The following LIMA1 variants were observed in gnomAD, a reference collection of about 807,000 sequenced individuals.
The protein encoded by LIMA1 is LIM domain and actin binding 1, also known as LIM domain and actin-binding protein 1.
In LIMA1, 52 loss-of-function variants were observed where a neutral mutation model predicts 62.6. That is an observed-to-expected ratio of 0.83 (90% CI 0.67 to 1.05). The LOEUF (loss-of-function observed/expected upper bound fraction) is 1.05. LIMA1 is among the 50% of genes least tolerant of loss of function. The pLI is 0.00. For synonymous variants in LIMA1, 302 were observed against 317.8 expected, an observed-to-expected ratio of 0.95 and a Z score of 0.53; for missense variants, 780 against 902.2, an observed-to-expected ratio of 0.86 and a Z score of 1.74.
intron 2 of LIMA1, among the ~76,000 whole-genome samples, chr12:50,238,539 C>CA (rs199612267): frequency 0.012 from 1,751 of 149,858 alleles, 42 homozygotes; most frequent in African/African-American, 0.041. Context: ...CAAAAAAAGA[C>CA]AAAAAAAACT....
intron 4 of LIMA1, chr12:50,217,707 G>C (rs965050469): frequency 2.1e-5 from 6 of 279,144 alleles, no homozygotes; most frequent in South Asian, 3.9e-5. Context: ...GGTCTACAGT[G>C]GGGGGAAGGT....
intron 3 of LIMA1, among the ~76,000 whole-genome samples, chr12:50,226,974 G>A (rs1209925972): frequency 6.7e-6 from 1 of 149,770 alleles, no homozygotes; most frequent in Non-Finnish European, 1.5e-5. Context: ...GGTCCCTCAG[G>A]GTTTTTGTCT....
At chr12:50,193,641 T>C (rs1399643797) in intron 8 of LIMA1, among the ~76,000 whole-genome samples, 1 of 85,836 alleles carries the variant, frequency 1.2e-5, no homozygotes, top group East Asian at 3.2e-4. Flanking sequence ...CGTGTGTGTG[T>C]GTGTGTGTGT....
At chr12:50,183,751 C>T (rs529365802) in intron 9 of LIMA1, among the ~76,000 whole-genome samples, 3 of 127,958 alleles carry the variant, frequency 2.3e-5, no homozygotes, top group Admixed American at 2.0e-4. Context: ...GCAGAGGTTG[C>T]AGTGAGCCGA....
chr12:50,214,024 C>CCACACACACACA (rs10632810), intron 4 of LIMA1, among the ~76,000 whole-genome samples: 1,444 of 104,580 alleles, frequency 0.014, 33 homozygotes, highest in African/African-American at 0.04. Context: ...TATTATCTTA[C>CCACACACACACA]CACACACACA....
chr12:50,238,510 A>AAAAAC (rs936855472), intron 2 of LIMA1, among the ~76,000 whole-genome samples: 3 of 151,800 alleles, frequency 2.0e-5, no homozygotes, highest in Non-Finnish European at 2.9e-5. Flanking sequence ...CTGTCTCAAA[A>AAAAAC]AAAACAAAAC....
At chr12:50,215,419 T>G (rs1941326300) in intron 4 of LIMA1, among the ~76,000 whole-genome samples, 1 of 152,170 alleles carries the variant, frequency 6.6e-6, no homozygotes, top group Non-Finnish European at 1.5e-5. Context: ...ACTTCCTTTG[T>G]TATTTTATAT....
At chr12:50,212,219 T>A (rs1157510498) in intron 4 of LIMA1, among the ~76,000 whole-genome samples, 1 of 152,156 alleles carries the variant, frequency 6.6e-6, no homozygotes, top group Non-Finnish European at 1.5e-5. Flanking sequence ...TCAGAAAAAA[T>A]TATCTTTAAA....
intron 2 of LIMA1, among the ~76,000 whole-genome samples, chr12:50,240,723 C>T (rs1430707577): frequency 6.6e-6 from 1 of 151,990 alleles, no homozygotes; most frequent in Non-Finnish European, 1.5e-5. Flanking sequence ...TGCATGTGTC[C>T]GGAGCTCAGA....
At chr12:50,203,497 T>A (rs981952630) in intron 6 of LIMA1, among the ~76,000 whole-genome samples, 5 of 151,828 alleles carry the variant, frequency 3.3e-5, no homozygotes, top group East Asian at 3.9e-4. Flanking sequence ...CACTGCAACC[T>A]CTGCCTCCTG....
intron 2 of LIMA1, among the ~76,000 whole-genome samples, chr12:50,233,618 G>A (rs762217270): frequency 4.6e-5 from 7 of 152,144 alleles, no homozygotes; most frequent in African/African-American, 1.2e-4. Flanking sequence ...TCCGCCTCCC[G>A]GGTTCAAGCA....
At chr12:50,264,592 C>G (rs1405484846) in intron 1 of LIMA1, among the ~76,000 whole-genome samples, 1 of 152,148 alleles carries the variant, frequency 6.6e-6, no homozygotes, top group Non-Finnish European at 1.5e-5. Context: ...CCTCTCTGTA[C>G]TTTACTTTCC....
chr12:50,224,283 T>C (rs990709519), intron 3 of LIMA1: 6 of 152,172 alleles, frequency 3.9e-5, no homozygotes, highest in Non-Finnish European at 8.8e-5. Context: ...AATATACTCT[T>C]GAAAGCCACT....
At chr12:50,180,011 CA>C (rs1565825792) in intron 10 of LIMA1, among the ~76,000 whole-genome samples, 2 of 151,070 alleles carry the variant, frequency 1.3e-5, no homozygotes. Flanking sequence ...CTAAGAAATA[CA>C]AAAATTGGCC....
At position 50,178,082 on chromosome 12, in the gene LIMA1, G is replaced by GA. The variant is rs762683276; in HGVS notation, c.1275-14dup. 15 of 1,415,040 alleles carry GA rather than the reference G, an allele frequency of 1.1e-5. No individual in the cohort carries two copies. The highest frequency in any genetic ancestry group is 1.4e-5 in the Non-Finnish European group (15 of 1,082,058). The allele number at this position is 1,415,040 out of a possible 1,614,324, so 87.7% of individuals were successfully genotyped here. On this transcript the variant is annotated splice_polypyrimidine_tract_variant and intron_variant, in intron 10 of 10. Coordinates refer to ENST00000341247, the MANE Select transcript of LIMA1 (RefSeq NM_016357.5). ...ATATGTTCCTAGACTGTCATTAAAA[G>GA]AAAAAAAGCATAAACTTAGCAAATC...
intron 6 of LIMA1, 152 bp downstream of exon 6, chr12:50,204,400 A>C: frequency 1.2e-6 from 1 of 858,382 alleles, no homozygotes; most frequent in Non-Finnish European, 1.7e-6. Context: ...AGAACTGCAA[A>C]TCCAGCGAGG....
At chr12:50,206,532 C>CAA (rs1405388127) in intron 4 of LIMA1, among the ~76,000 whole-genome samples, 1 of 152,244 alleles carries the variant, frequency 6.6e-6, no homozygotes, top group Non-Finnish European at 1.5e-5. Context: ...TATGATGCTA[C>CAA]CATTATCCCC....
intron 1 of LIMA1, among the ~76,000 whole-genome samples, chr12:50,250,355 C>G (rs983845613): frequency 4.7e-5 from 7 of 148,332 alleles, no homozygotes; most frequent in Non-Finnish European, 7.4e-5. Flanking sequence ...GTAATCCCAG[C>G]ACTTTGGGAG....
chr12:50,231,799 C>T lies in LIMA1; in HGVS notation c.120-89G>A, dbSNP rs191527433. 1.2e-4 allele frequency: 145 copies of T among 1,253,110 alleles called. No individual in the cohort carries two copies. The East Asian group carries it at 3.3e-3, about 28-fold the overall frequency. 77.6% of individuals were successfully genotyped at this position (1,253,110 alleles called of 1,614,324 possible). A position where few individuals can be genotyped will look rare whatever the true frequency, so the allele number is the denominator to read the frequency against. ...TATCTTTTTTTGAGATGAAGTCTCACGCTTATTGCCCAGGCTGCAGTGCAG... is the reference window on the plus strand; with the variant it reads ...TATCTTTTTTTGAGATGAAGTCTCATGCTTATTGCCCAGGCTGCAGTGCAG... On this transcript the variant is annotated intron_variant, in intron 2 of 10. Coordinates refer to ENST00000341247, the MANE Select transcript of LIMA1 (RefSeq NM_016357.5).
Sources: allele counts gnomAD v4.1 joint callset (sites outside exome capture counted in the v4.1 genomes callset), GRCh38; gene constraint gnomAD v4.1.1; transcripts MANE v1.5; gene names NCBI Gene and HGNC (gene_info 2026-07-23, HGNC 2026-07-21).